SNX29: variants seen among roughly 807,000 people sequenced by gnomAD.
SNX29 encodes the protein sorting nexin-29.
SNX29 carries 78 observed loss-of-function variants against 102.1 expected under a neutral mutation model. The ratio of observed to expected loss-of-function variants is 0.76; its 90% CI spans 0.64 to 0.92. The LOEUF (loss-of-function observed/expected upper bound fraction) is 0.92. Ranked by LOEUF, SNX29 falls within the 40% of genes least tolerant of loss-of-function variation. The pLI is 0.00. For missense variants in SNX29, 1,280 were observed against 1,061.7 expected (o/e 1.21, Z -2.86); for synonymous variants, 580 against 414.5 (o/e 1.40, Z -4.85).
In SNX29 at chr16:12,356,254, A is replaced by C; in HGVS notation, c.1874A>C (p.Gln625Pro). Residue 625 changes from glutamine (Q) to proline (P), a missense_variant, in exon 16 of 21, where the codon CAG becomes CCG. By Grantham distance (76) the Gln-to-Pro change is moderately conservative (BLOSUM62 -1). Coordinates refer to ENST00000566228, the MANE Select transcript of SNX29 (RefSeq NM_032167.5). ...GAAGCCCTCGTGTCCCAGATGAGGC[A>C]GGAGCTCATCGATCTCCGGGGACCG... ...AKEALVSQMR[Q>P]ELIDLRGPVP... 1 of 1,611,374 alleles carries C rather than the reference A, an allele frequency of 6.2e-7. No individual in the cohort carries two copies.
intron 11 of SNX29, among the ~76,000 whole-genome samples, chr16:12,097,396 G>A (rs1293609545): frequency 6.6e-6 from 1 of 152,190 alleles, no homozygotes; most frequent in African/African-American, 2.4e-5. Context: ...ATTTTGAAGG[G>A]GCTGTATTTC....
At position 12,220,099 on chromosome 16, in the gene SNX29, T is replaced by G. The variant is rs114006767; in HGVS notation, c.1678+20416T>G. Among the ~76,000 whole-genome samples, 643 of 152,298 alleles carry G rather than the reference T, an allele frequency of 4.2e-3. 4 individuals carry two copies. The highest frequency in any genetic ancestry group is 0.015 in the African/African-American group (613 of 41,546). On this transcript the variant is annotated intron_variant, in intron 14 of 20. Coordinates refer to ENST00000566228, the MANE Select transcript of SNX29 (RefSeq NM_032167.5). ...GTCTCTTGCGACCTGCAGCCTTATT[T>G]TAGTAAGAAGAACCCCCACCCTTTC...
intron 19 of SNX29, among the ~76,000 whole-genome samples, chr16:12,509,263 T>C (rs2089505619): frequency 6.6e-6 from 1 of 152,134 alleles, no homozygotes; most frequent in Non-Finnish European, 1.5e-5. Flanking sequence ...GGGAGGGCAT[T>C]CACTCGGTGA....
At chr16:12,014,593 G>C (rs757246015) in intron 3 of SNX29, among the ~76,000 whole-genome samples, 5 of 151,704 alleles carry the variant, frequency 3.3e-5, no homozygotes, top group Non-Finnish European at 7.4e-5. Context: ...TTAGTTGGGC[G>C]TGGTGGTGCA....
intron 11 of SNX29, among the ~76,000 whole-genome samples, chr16:12,080,675 C>T (rs543875274): frequency 8.6e-5 from 13 of 151,308 alleles, no homozygotes; most frequent in African/African-American, 2.9e-4. Context: ...CCACCGTGCC[C>T]GGCCTACTAC....
intron 13 of SNX29, among the ~76,000 whole-genome samples, chr16:12,139,980 CAAAAAAAAAAAA>C (rs59169166): frequency 1.1e-5 from 1 of 88,548 alleles, no homozygotes; most frequent in Admixed American, 1.3e-4. Context: ...TACCCTGTCT[CAAAAAAAAAAAA>C]AAAAAAAAAA....
At chr16:12,537,728 A>AT (rs1345439324) in intron 20 of SNX29, among the ~76,000 whole-genome samples, 2 of 152,170 alleles carry the variant, frequency 1.3e-5, no homozygotes, top group Non-Finnish European at 2.9e-5. Context: ...CAGAGTAGGT[A>AT]TTTTTGGCAC....
chr16:12,372,167 C>T (rs2082710557), intron 16 of SNX29, among the ~76,000 whole-genome samples: 1 of 152,214 alleles, frequency 6.6e-6, no homozygotes, highest in South Asian at 2.1e-4. Context: ...TAACGCACAT[C>T]TATTTTTAAC....
intron 15 of SNX29, among the ~76,000 whole-genome samples, chr16:12,355,817 C>T (rs4781208): frequency 0.55 from 71,966 of 131,144 alleles, 19,216 homozygotes; most frequent in Middle Eastern, 0.65. Flanking sequence ...TGTTAGATGT[C>T]TGACCTTGAC....
chr16:12,067,685 G>C (rs1024466474), intron 9 of SNX29, among the ~76,000 whole-genome samples: 3 of 152,036 alleles, frequency 2.0e-5, no homozygotes, highest in Admixed American at 2.0e-4. Flanking sequence ...ACGGGGTTTT[G>C]CCATGTTAGC....
intron 13 of SNX29, among the ~76,000 whole-genome samples, chr16:12,163,997 A>G (rs1012761716): frequency 2.0e-4 from 31 of 152,164 alleles, no homozygotes; most frequent in African/African-American, 7.5e-4. Context: ...GTACAAGATG[A>G]TGATGTGAAT....
Position 12,054,246 on chromosome 16 carries a change from A to T in SNX29, c.1124+2024A>T, listed in dbSNP as rs913799429. ...CTCCCAAAGTGCTGGGATTACAGGC[A>T]TGAGCCACTGTGCCCAGCTATTCTG... On this transcript the variant is annotated intron_variant, in intron 8 of 20. Coordinates refer to ENST00000566228, the MANE Select transcript of SNX29 (RefSeq NM_032167.5). Among the ~76,000 whole-genome samples the T allele has an allele frequency of 2.0e-5, 3 of 152,348 alleles. No individual in the cohort carries two copies. The East Asian group carries it at 5.8e-4, about 29-fold the overall frequency.
At chr16:12,553,275 C>T (rs937275185) in intron 20 of SNX29, among the ~76,000 whole-genome samples, 1 of 152,186 alleles carries the variant, frequency 6.6e-6, no homozygotes, top group African/African-American at 2.4e-5. Context: ...CGCCTAGGGG[C>T]ACAGAGTAAG....
intron 1 of SNX29, among the ~76,000 whole-genome samples, chr16:11,992,473 C>T (rs1259700287): frequency 6.6e-6 from 1 of 152,116 alleles, no homozygotes; most frequent in East Asian, 1.9e-4. Context: ...AGTAGCTCCC[C>T]ATCCCCCTAC....
At chr16:12,194,873 C>T (rs991350660) in intron 13 of SNX29, among the ~76,000 whole-genome samples, 5 of 152,056 alleles carry the variant, frequency 3.3e-5, no homozygotes, top group South Asian at 2.1e-4. Flanking sequence ...ATGATCCACT[C>T]ACCTCGGTCT....
chr16:12,143,224 C>T lies in SNX29; in HGVS notation c.1595+13466C>T, dbSNP rs141538203. Among the ~76,000 whole-genome samples the T allele has an allele frequency of 4.5e-3, 688 of 151,958 alleles. 20 individuals carry two copies. The highest frequency in any genetic ancestry group is 0.036 in the Admixed American group (548 of 15,248). On this transcript the variant is annotated intron_variant, in intron 13 of 20. Transcript: ENST00000566228. ...GTTGGTCAGGCTGGTCTCGAACTCC[C>T]GACCTCAGGTGATCCGTCCACCTCG...
At chr16:12,464,261 T>C (rs1289264022) in intron 18 of SNX29, among the ~76,000 whole-genome samples, 6 of 145,626 alleles carry the variant, frequency 4.1e-5, no homozygotes, top group Non-Finnish European at 8.9e-5. Context: ...ATATATTCCA[T>C]ATGTGGCATG....
intron 18 of SNX29, among the ~76,000 whole-genome samples, chr16:12,447,235 T>C (rs1016529685): frequency 3.1e-5 from 3 of 97,946 alleles, no homozygotes; most frequent in Non-Finnish European, 4.2e-5. Flanking sequence ...ATTTCTTAAA[T>C]ACAAACTTTG....
At chr16:12,050,976 C>G (rs1342341925) in intron 7 of SNX29, among the ~76,000 whole-genome samples, 2 of 152,168 alleles carry the variant, frequency 1.3e-5, no homozygotes, top group Non-Finnish European at 2.9e-5. Flanking sequence ...CCGCCTTGAC[C>G]TCCCAAAGTG....
Sources: gnomAD v4.1 joint callset for allele counts (sites outside exome capture counted in the v4.1 genomes callset) on GRCh38, gnomAD v4.1.1 for gene constraint, MANE v1.5 for transcripts, NCBI Gene and HGNC (gene_info 2026-07-23, HGNC 2026-07-21) for gene names.